The following SBF2 variants were observed in gnomAD, a reference collection of about 807,000 sequenced individuals.
The protein encoded by SBF2 is myotubularin-related protein 13.
Under a neutral mutation model 225.2 loss-of-function variants are expected in SBF2, and 112 were observed. The observed-to-expected ratio is 0.50, with a 90% CI of 0.43 to 0.58. The LOEUF is 0.58. SBF2 is among the 20% of genes least tolerant of loss of function. The pLI, the probability that SBF2 is intolerant of heterozygous loss-of-function variation, is 0.00. For synonymous variants in SBF2, 763 were observed against 773.3 expected (o/e 0.99, Z 0.22); for missense variants, 1,996 against 2,206.2 (o/e 0.90, Z 1.91).
chr11:10,104,693 C>T (rs1458227073), intron 2 of SBF2, among the ~76,000 whole-genome samples: 2 of 152,134 alleles, frequency 1.3e-5, no homozygotes, highest in East Asian at 3.8e-4. Flanking sequence ...TAGATTCTAC[C>T]AGTGCAACTG....
chr11:10,042,380 A>G (rs1383748128), intron 3 of SBF2, among the ~76,000 whole-genome samples: 1 of 152,238 alleles, frequency 6.6e-6, no homozygotes, highest in East Asian at 1.9e-4. Flanking sequence ...TCATAGTTCT[A>G]GCTTATGAAT....
chr11:10,094,528 A>ATTTTTTTTTTTTTTTTTTTTTTTTT (rs60485793), intron 2 of SBF2, among the ~76,000 whole-genome samples: 1 of 107,300 alleles, frequency 9.3e-6, no homozygotes, highest in East Asian at 3.1e-4. Flanking sequence ...ATACACACAG[A>ATTTTTTTTTTTTTTTTTTTTTTTTT]TTTTTTTTTT....
chr11:10,046,439 G>A (rs7126376), intron 2 of SBF2, among the ~76,000 whole-genome samples: 67,196 of 151,828 alleles, frequency 0.44, 15,413 homozygotes, highest in Admixed American at 0.55. Context: ...TTCATCCCAG[G>A]CATGCAAGGC....
At chr11:10,126,495 G>A (rs932544921) in intron 2 of SBF2, among the ~76,000 whole-genome samples, 1 of 152,062 alleles carries the variant, frequency 6.6e-6, no homozygotes, top group South Asian at 2.1e-4. Flanking sequence ...AGCAATAGAA[G>A]GCTGGAAAAT....
chr11:9,930,716 T>G (rs910604960), intron 16 of SBF2, among the ~76,000 whole-genome samples: 4 of 152,184 alleles, frequency 2.6e-5, no homozygotes, highest in Non-Finnish European at 4.4e-5. Context: ...CATTTCCAAG[T>G]GAGGTACCTG....
At chr11:9,789,652 C>T (rs1003677982) in intron 34 of SBF2, among the ~76,000 whole-genome samples, 28 of 152,184 alleles carry the variant, frequency 1.8e-4, no homozygotes, top group Non-Finnish European at 3.4e-4. Context: ...TGGCCCCAGC[C>T]CCCTGTCCTT....
intron 16 of SBF2, among the ~76,000 whole-genome samples, chr11:9,898,120 AAGATAATCTTTGCCT>A (rs1861419065): frequency 6.6e-6 from 1 of 152,202 alleles, no homozygotes; most frequent in Admixed American, 6.5e-5. Context: ...GAAATAGGCA[AAGATAATCTTTGCCT>A]ATTTCAAACT....
At chr11:9,974,096 A>G (rs1375524594) in intron 13 of SBF2, among the ~76,000 whole-genome samples, 1 of 152,184 alleles carries the variant, frequency 6.6e-6, no homozygotes, top group African/African-American at 2.4e-5. Flanking sequence ...TGTACATGAC[A>G]TTGATGGAAT....
intron 3 of SBF2, among the ~76,000 whole-genome samples, chr11:10,031,436 C>T (rs1949254882): frequency 6.6e-6 from 1 of 152,108 alleles, no homozygotes; most frequent in South Asian, 2.1e-4. Flanking sequence ...TGAGCATTTC[C>T]TTTCTGAGTG....
At chr11:10,187,590 T>A (rs1259146672) in intron 2 of SBF2, among the ~76,000 whole-genome samples, 4 of 151,890 alleles carry the variant, frequency 2.6e-5, no homozygotes, top group African/African-American at 9.7e-5. Flanking sequence ...AGCTTTGGAA[T>A]AAACTCACTT....
At chr11:9,780,841 A>G (rs1851957890) in intron 39 of SBF2, 2 of 364,358 alleles carry the variant, frequency 5.5e-6, no homozygotes, top group Non-Finnish European at 1.1e-5. Flanking sequence ...CACTGCACCA[A>G]TGCACTGAAG....
At chr11:10,088,233 C>T (rs1382815156) in intron 2 of SBF2, among the ~76,000 whole-genome samples, 3 of 152,002 alleles carry the variant, frequency 2.0e-5, no homozygotes, top group Non-Finnish European at 4.4e-5. Flanking sequence ...CCATGTTGCC[C>T]AGGCTGGTCT....
intron 17 of SBF2, among the ~76,000 whole-genome samples, chr11:9,858,822 G>A (rs969474165): frequency 5.9e-5 from 9 of 152,108 alleles, no homozygotes; most frequent in African/African-American, 1.2e-4. Flanking sequence ...ACTGAAATAT[G>A]AGTGAACCTA....
intron 2 of SBF2, among the ~76,000 whole-genome samples, chr11:10,172,101 A>C (rs1458886029): frequency 6.6e-6 from 1 of 151,588 alleles, no homozygotes; most frequent in African/African-American, 2.4e-5. Flanking sequence ...TGTTTTGTTG[A>C]TCTTTTGTAT....
chr11:10,151,478 T>C (rs1187424222), intron 2 of SBF2, among the ~76,000 whole-genome samples: 1 of 152,230 alleles, frequency 6.6e-6, no homozygotes, highest in Non-Finnish European at 1.5e-5. Flanking sequence ...TTGGTTATAA[T>C]AACTCCCATT....
rs1866597319 is a variant in SBF2, at chr11:9,961,946, C to A, written c.1860+11G>T. On this transcript the variant is annotated intron_variant, in intron 16 of 39. Transcript: ENST00000256190. ...AAATAAGAGGAATAATCTGAAAGAA[C>A]TACAAATTACCTGTAGAGTACAATT... The A allele has an allele frequency of 6.2e-7, 1 of 1,607,774 alleles. No homozygotes were observed. Among genetic ancestry groups the A allele is most frequent in the Admixed American group, 1.7e-5 (1 of 59,442 alleles).
At chr11:9,827,018 A>G (rs1855111217) in intron 28 of SBF2, among the ~76,000 whole-genome samples, 1 of 152,028 alleles carries the variant, frequency 6.6e-6, no homozygotes, top group Non-Finnish European at 1.5e-5. Flanking sequence ...TAGTATTTTT[A>G]GTAGAGACAG....
chr11:10,201,169 AT>A (rs1359059620), intron 1 of SBF2, among the ~76,000 whole-genome samples: 1 of 152,226 alleles, frequency 6.6e-6, no homozygotes, highest in Non-Finnish European at 1.5e-5. Flanking sequence ...TGATTTACTC[AT>A]TTTAATAGAA....
intron 17 of SBF2, among the ~76,000 whole-genome samples, chr11:9,881,739 C>A (rs147089257): frequency 1.3e-5 from 2 of 151,716 alleles, no homozygotes; most frequent in Admixed American, 1.3e-4. Context: ...ACTCCCCATC[C>A]CCCCCCAATT....
Sources: allele counts gnomAD v4.1 joint callset (sites outside exome capture counted in the v4.1 genomes callset), GRCh38; gene constraint gnomAD v4.1.1; transcripts MANE v1.5; gene names NCBI Gene and HGNC (gene_info 2026-07-23, HGNC 2026-07-21).